MAGI3: variants seen among roughly 807,000 people sequenced by gnomAD.
MAGI3 encodes the protein membrane-associated guanylate kinase, WW and PDZ domain-containing protein 3.
MAGI3 carries 43 observed loss-of-function variants against 121.8 expected under a neutral mutation model. That is an observed-to-expected ratio of 0.35 (90% CI 0.28 to 0.46). The LOEUF is 0.46. Among genes scored for constraint, MAGI3 ranks in the 20% least tolerant of loss-of-function variants. The pLI is 1.00. For missense variants in MAGI3, 1,547 were observed against 1,797.3 expected (o/e 0.86, Z 2.52); for synonymous variants, 553 against 639.3 (o/e 0.86, Z 2.04).
intron 1 of MAGI3, among the ~76,000 whole-genome samples, chr1:113,496,016 C>T (rs1243813857): frequency 6.6e-6 from 1 of 152,086 alleles, no homozygotes; most frequent in Non-Finnish European, 1.5e-5. Context: ...GATAGATAAA[C>T]CTGACTAATG....
intron 12 of MAGI3, among the ~76,000 whole-genome samples, chr1:113,648,839 C>T (rs530241593): frequency 2.6e-5 from 4 of 152,162 alleles, no homozygotes; most frequent in African/African-American, 9.7e-5. Flanking sequence ...GCACTCTATA[C>T]AGCAGTGCCT....
At chr1:113,443,565 C>G (rs1286887485) in intron 1 of MAGI3, among the ~76,000 whole-genome samples, 1 of 152,180 alleles carries the variant, frequency 6.6e-6, no homozygotes, top group Non-Finnish European at 1.5e-5. Context: ...TAACCAAGAT[C>G]ATTTATGATG....
intron 1 of MAGI3, among the ~76,000 whole-genome samples, chr1:113,446,411 T>TTA (rs1156498032): frequency 1.3e-5 from 2 of 151,960 alleles, no homozygotes; most frequent in East Asian, 3.9e-4. Flanking sequence ...AGGAAGGAAT[T>TTA]TAAACATTTT....
intron 1 of MAGI3, among the ~76,000 whole-genome samples, chr1:113,404,802 G>C (rs1260049555): frequency 6.6e-6 from 1 of 151,990 alleles, no homozygotes; most frequent in African/African-American, 2.4e-5. Context: ...GAGCACTGGA[G>C]GGAAGGGCCA....
At chr1:113,632,294 CAT>C (rs1651682289) in intron 9 of MAGI3, among the ~76,000 whole-genome samples, 2 of 152,134 alleles carry the variant, frequency 1.3e-5, no homozygotes, top group African/African-American at 4.8e-5. Flanking sequence ...CCATGAAACA[CAT>C]GTCTTAGCTA....
intron 1 of MAGI3, among the ~76,000 whole-genome samples, chr1:113,469,151 A>G (rs569714030): frequency 1.1e-3 from 165 of 152,342 alleles, no homozygotes; most frequent in African/African-American, 3.6e-3. Context: ...TTAAGTTCTC[A>G]TAACAGCATC....
At chr1:113,676,985 T>A (rs904396131) in intron 19 of MAGI3, among the ~76,000 whole-genome samples, 5 of 152,168 alleles carry the variant, frequency 3.3e-5, no homozygotes, top group African/African-American at 1.2e-4. Flanking sequence ...CCAGGACTTA[T>A]TACTGGGTGA....
chr1:113,519,064 C>A (rs1401909071), intron 1 of MAGI3, among the ~76,000 whole-genome samples: 2 of 151,990 alleles, frequency 1.3e-5, no homozygotes, highest in African/African-American at 4.8e-5. Flanking sequence ...TGACATCACC[C>A]TAATTCTCTC....
intron 9 of MAGI3, among the ~76,000 whole-genome samples, chr1:113,627,168 T>C (rs1219018404): frequency 6.6e-6 from 1 of 152,122 alleles, no homozygotes. Flanking sequence ...TCCAATTTCC[T>C]TCTTAATTCC....
intron 1 of MAGI3, among the ~76,000 whole-genome samples, chr1:113,477,020 G>C (rs1218940025): frequency 6.7e-6 from 1 of 150,166 alleles, no homozygotes; most frequent in African/African-American, 2.4e-5. Context: ...TTTAAAGTCT[G>C]TTATATCAGA....
chr1:113,479,702 TTC>T (rs993363182), intron 1 of MAGI3, among the ~76,000 whole-genome samples: 1 of 152,160 alleles, frequency 6.6e-6, no homozygotes, highest in African/African-American at 2.4e-5. Flanking sequence ...CCCCTTCTCT[TTC>T]TCTTTTATTT....
intron 1 of MAGI3, among the ~76,000 whole-genome samples, chr1:113,454,081 TTA>T (rs1654627280): frequency 6.6e-6 from 1 of 152,222 alleles, no homozygotes; most frequent in African/African-American, 2.4e-5. Context: ...TGATCTTCTA[TTA>T]GGTTAACAGT....
intron 1 of MAGI3, among the ~76,000 whole-genome samples, chr1:113,481,549 C>T (rs959092804): frequency 6.6e-6 from 1 of 151,766 alleles, no homozygotes; most frequent in African/African-American, 2.4e-5. Flanking sequence ...GAGAAGCAAG[C>T]TTCTGTCTTG....
At chr1:113,654,523 G>A (rs2100989273) in intron 15 of MAGI3, among the ~76,000 whole-genome samples, 1 of 152,164 alleles carries the variant, frequency 6.6e-6, no homozygotes, top group South Asian at 2.1e-4. Flanking sequence ...ATGATAAGAG[G>A]CATACCTTTT....
chr1:113,590,765 T>A (rs759069919), intron 5 of MAGI3, 107 bp downstream of exon 5: 83 of 1,034,930 alleles, frequency 8.0e-5, no homozygotes, highest in Non-Finnish European at 9.6e-5. Flanking sequence ...AAGACTCATT[T>A]TTTTTCTTTC....
intron 16 of MAGI3, among the ~76,000 whole-genome samples, chr1:113,665,057 C>T (rs1350310108): frequency 6.6e-6 from 1 of 151,888 alleles, no homozygotes; most frequent in Non-Finnish European, 1.5e-5. Flanking sequence ...TAAGATAAGT[C>T]ATTTTTTCCC....
At chr1:113,636,005 T>C (rs1651993394) in intron 9 of MAGI3, among the ~76,000 whole-genome samples, 1 of 152,194 alleles carries the variant, frequency 6.6e-6, no homozygotes, top group African/African-American at 2.4e-5. Context: ...TTTTCTAGTT[T>C]ATTTGCGTAG....
intron 2 of MAGI3, among the ~76,000 whole-genome samples, chr1:113,550,372 C>A (rs1378829010): frequency 6.9e-6 from 1 of 144,374 alleles, no homozygotes; most frequent in African/African-American, 2.6e-5. Context: ...GCCGAGATAG[C>A]GCCACTGCAG....
At chr1:113,621,648 T>C (rs1650828725) in intron 8 of MAGI3, among the ~76,000 whole-genome samples, 1 of 152,114 alleles carries the variant, frequency 6.6e-6, no homozygotes, top group East Asian at 1.9e-4. Context: ...CATCAACTAA[T>C]GAATGGATCA....
Sources: gnomAD v4.1 joint callset for allele counts (sites outside exome capture counted in the v4.1 genomes callset) on GRCh38, gnomAD v4.1.1 for gene constraint, MANE v1.5 for transcripts, NCBI Gene and HGNC (gene_info 2026-07-23, HGNC 2026-07-21) for gene names.